The following OR7D2 variants were observed in gnomAD, a reference collection of about 807,000 sequenced individuals.
OR7D2 encodes olfactory receptor 7D2.
For missense variants in OR7D2, 370 were observed against 384.1 expected (o/e 0.96, Z 0.31); for synonymous variants, 158 against 158.7 (o/e 1.00, Z 0.03).
intron 2 of OR7D2, among the ~76,000 whole-genome samples, chr19:9,184,349 G>T (rs1465127793): frequency 1.3e-5 from 2 of 152,156 alleles, no homozygotes; most frequent in African/African-American, 4.8e-5. Context: ...GGGAGGTGGA[G>T]GTTGCAGTGA....
chr19:9,184,203 T>C (rs1018041058), intron 2 of OR7D2, among the ~76,000 whole-genome samples: 6 of 151,426 alleles, frequency 4.0e-5, no homozygotes, highest in African/African-American at 1.5e-4. Context: ...AAGACCAGCC[T>C]GGTCAACAAG....
Position 9,186,848 on chromosome 19 carries a change from T to C in OR7D2, c.*128T>C. 4 of 674,098 alleles carry C rather than the reference T, an allele frequency of 5.9e-6. No individual in the cohort carries two copies. The highest frequency in any genetic ancestry group is 9.8e-6 in the Non-Finnish European group (4 of 407,338). 41.8% of individuals were successfully genotyped at this position (674,098 alleles called of 1,614,324 possible). On this transcript the variant is annotated 3_prime_UTR_variant, in exon 3 of 3. Coordinates refer to ENST00000641288, the MANE Select transcript of OR7D2 (RefSeq NM_175883.4). ...CTTTGAGAGTACAAATGCAGATTTC[T>C]TAACATGCATTTGCATAAGGGTGAA...
Position 9,188,384 on chromosome 19 carries a change from G to T in OR7D2, c.*1664G>T, listed in dbSNP as rs78613335. On this transcript the variant is annotated 3_prime_UTR_variant, in exon 3 of 3. Transcript: ENST00000641288. ...TGGGATTACAGGTGTGAGCCACTGT[G>T]CCTGGCCTTCTAGTTCTTTAAGATA... 987 of 164,926 alleles carry T rather than the reference G, an allele frequency of 6.0e-3. 13 individuals carry two copies. In the East Asian group the frequency reaches 0.074, roughly 12 times the overall value. The allele number at this position is 164,926 out of a possible 1,614,324, so 10.2% of individuals were successfully genotyped here. A position where few individuals can be genotyped will look rare whatever the true frequency, so the allele number is the denominator to read the frequency against.
rs1174781601 is a variant in OR7D2, at chr19:9,186,414, C to G, written c.633C>G (p.Leu211=). ...FMTGVLGVFP[L]LGIIFSYSRI... ...CGGGTGTGCTGGGCGTTTTTCCCCT[C>G]CTTGGGATCATTTTCTCTTATTCAC... The change falls in exon 3 of 3, where the codon CTC becomes CTG. Residue 211 remains leucine, a synonymous_variant. Transcript: ENST00000641288. 6.2e-7 allele frequency: 1 copy of G among 1,614,158 alleles called. No individual in the cohort carries two copies. The highest frequency in any genetic ancestry group is 8.5e-7 in the Non-Finnish European group (1 of 1,180,038).
intron 2 of OR7D2, 150 bp from the exon 3 acceptor site, chr19:9,185,619 T>C (rs2051024691): frequency 1.2e-5 from 5 of 423,882 alleles, no homozygotes; most frequent in Non-Finnish European, 2.1e-5. Context: ...GTTCTCCCTC[T>C]ATTGCCCAGG....
rs1811122038 is a variant in OR7D2, at chr19:9,187,378, A to C, written c.*658A>C. 6.0e-6 allele frequency: 1 copy of C among 166,538 alleles called. No homozygotes were observed. Among genetic ancestry groups the C allele is most frequent in the Non-Finnish European group, 1.5e-5 (1 of 68,150 alleles). The allele number at this position is 166,538 out of a possible 1,614,324, so 10.3% of individuals were successfully genotyped here. A position where few individuals can be genotyped will look rare whatever the true frequency, so the allele number is the denominator to read the frequency against. ...AAGAGAATGGCTTCCAGTCCCATCG[A>C]TGTTGCTGCAAAAGACATGATTTCA... On this transcript the variant is annotated 3_prime_UTR_variant, in exon 3 of 3. Transcript: ENST00000641288.
chr19:9,184,699 G>GTATATGTA (rs1405883435), intron 2 of OR7D2, among the ~76,000 whole-genome samples: 1 of 151,876 alleles, frequency 6.6e-6, no homozygotes, highest in Non-Finnish European at 1.5e-5. Context: ...TGATATATAT[G>GTATATGTA]TATATGTACA....
chr19:9,186,047 A>G lies in OR7D2; in HGVS notation c.266A>G (p.Asn89Ser). ...ATGCTGGTGAACATCCAGACCGAGAACAAAGCCATCTCCTACATGGACTGC... is the reference window on the plus strand; with the variant it reads ...ATGCTGGTGAACATCCAGACCGAGAGCAAAGCCATCTCCTACATGGACTGC... ...PKMLVNIQTE[N>S]KAISYMDCLT... Residue 89 changes from asparagine to serine, a missense_variant, in exon 3 of 3, where the codon AAC (asparagine) becomes AGC (serine). Asn to Ser is a conservative substitution (Grantham distance 46). Coordinates refer to ENST00000641288, the MANE Select transcript of OR7D2 (RefSeq NM_175883.4). 1 of 1,614,132 alleles carries G rather than the reference A, an allele frequency of 6.2e-7. No homozygotes were observed. The highest frequency in any genetic ancestry group is 1.1e-5 in the South Asian group (1 of 91,076).
chr19:9,184,973 T>A (rs2051019665), intron 2 of OR7D2, among the ~76,000 whole-genome samples: 1 of 133,918 alleles, frequency 7.5e-6, no homozygotes, highest in East Asian at 2.1e-4. Flanking sequence ...TGTGGAATAT[T>A]TTTTTTAAAG....
chr19:9,184,734 T>C (rs56188511), intron 2 of OR7D2, among the ~76,000 whole-genome samples: 36,040 of 151,880 alleles, frequency 0.24, 4,807 homozygotes, highest in South Asian at 0.3. Flanking sequence ...TATATTTGTG[T>C]ATATATATTC....
chr19:9,179,414 C>G (rs371476202), intron 1 of OR7D2, among the ~76,000 whole-genome samples: 1 of 151,918 alleles, frequency 6.6e-6, no homozygotes, highest in African/African-American at 2.4e-5. Context: ...GTGGCGGATG[C>G]CTGTAATCCC....
Position 9,180,953 on chromosome 19 carries a change from T to C in OR7D2, c.-14+165T>C, listed in dbSNP as rs77396199. Among the ~76,000 whole-genome samples the C allele has an allele frequency of 5.2e-3, 793 of 152,054 alleles. 13 individuals are homozygous for C. In the East Asian group the frequency reaches 0.073, roughly 14 times the overall value. On this transcript the variant is annotated intron_variant, in intron 2 of 2. Transcript: ENST00000641288. ...TAGCCTGGCCAACATAGTGAAACCC[T>C]ATCTCTATTAAAAATACAAAAATTA... is the stretch of plus-strand genomic sequence containing the variant.
At chr19:9,182,876 T>G (rs191919376) in intron 2 of OR7D2, 2 of 325,606 alleles carry the variant, frequency 6.1e-6, no homozygotes, top group South Asian at 8.2e-5. Flanking sequence ...ATGGACCTCA[T>G]CGGCTTCGTT....
At position 9,187,123 on chromosome 19, in the gene OR7D2, C is replaced by G. The variant is rs551806906; in HGVS notation, c.*403C>G. 6.2e-6 allele frequency: 1 copy of G among 162,146 alleles called. No individual in the cohort carries two copies. Among genetic ancestry groups the G allele is most frequent in the Admixed American group, 6.3e-5 (1 of 15,994 alleles). The allele number at this position is 162,146 out of a possible 1,614,324, so 10.0% of individuals were successfully genotyped here. On this transcript the variant is annotated 3_prime_UTR_variant, in exon 3 of 3. Transcript: ENST00000641288. ...TTCACCATCTTGGCCAGGCTGGTCTCGAACTCCTGACCTTGTGATCCACCT... is the reference window on the plus strand; with the variant it reads ...TTCACCATCTTGGCCAGGCTGGTCTGGAACTCCTGACCTTGTGATCCACCT...
chr19:9,182,993 A>G, intron 2 of OR7D2: 1 of 462,844 alleles, frequency 2.2e-6, no homozygotes, highest in Non-Finnish European at 4.3e-6. Context: ...TATCAATTTG[A>G]CATACACGGC....
intron 2 of OR7D2, among the ~76,000 whole-genome samples, chr19:9,184,586 T>C (rs1368646777): frequency 6.6e-6 from 1 of 152,154 alleles, no homozygotes; most frequent in East Asian, 1.9e-4. Context: ...TTGCCACTCG[T>C]AAAGATATCT....
chr19:9,179,984 C>G (rs984141492), intron 1 of OR7D2, among the ~76,000 whole-genome samples: 1 of 141,668 alleles, frequency 7.1e-6, no homozygotes, highest in African/African-American at 2.8e-5. Context: ...GCCTGGGCAA[C>G]AAGAACAAAA....
chr19:9,186,475 G>C lies in OR7D2; in HGVS notation c.694G>C (p.Gly232Arg). ...ASSIRKMSSS[G>R]GKQKALSTCG... The stretch of plus-strand genomic sequence containing the variant: ...ATCCATAAGGAAGATGTCCTCATCT[G>C]GGGGAAAACAAAAAGCACTTTCCAC... The change falls in exon 3 of 3, where the codon GGG becomes CGG. Residue 232 changes from glycine to arginine, a missense_variant. Transcript: ENST00000641288. The C allele has an allele frequency of 6.2e-7, 1 of 1,613,970 alleles. No homozygotes were observed. The highest frequency in any genetic ancestry group is 2.2e-5 in the East Asian group (1 of 44,876).
At chr19:9,184,708 C>T (rs1038560903) in intron 2 of OR7D2, among the ~76,000 whole-genome samples, 11 of 151,552 alleles carry the variant, frequency 7.3e-5, no homozygotes, top group Non-Finnish European at 1.2e-4. Flanking sequence ...TGTATATGTA[C>T]ATTTGTGTGT....
Sources: gnomAD v4.1 joint callset for allele counts (sites outside exome capture counted in the v4.1 genomes callset) on GRCh38, gnomAD v4.1.1 for gene constraint, MANE v1.5 for transcripts, NCBI Gene and HGNC (gene_info 2026-07-23, HGNC 2026-07-21) for gene names.